SCN2A: variants seen among roughly 807,000 people sequenced by gnomAD.
SCN2A encodes sodium channel protein type 2 subunit alpha.
Under a neutral mutation model 188.7 loss-of-function variants are expected in SCN2A, and 20 were observed. That is an observed-to-expected ratio of 0.11 (90% CI 0.07 to 0.15). The LOEUF (loss-of-function observed/expected upper bound fraction) is 0.15. Ranked by LOEUF, SCN2A falls within the 10% of genes least tolerant of loss-of-function variation. The pLI, the probability that SCN2A is intolerant of heterozygous loss-of-function variation, is 1.00. For missense variants in SCN2A, 1,278 were observed against 2,445.0 expected (o/e 0.52, Z 10.07); for synonymous variants, 804 against 833.1 (o/e 0.97, Z 0.60).
intron 17 of SCN2A, among the ~76,000 whole-genome samples, 191 bp downstream of exon 17, chr2:165,354,862 T>C (rs989377409): frequency 6.6e-6 from 1 of 152,214 alleles, no homozygotes; most frequent in African/African-American, 2.4e-5. Flanking sequence ...AGATTAACAA[T>C]ATGCTGACTT....
intron 17 of SCN2A, among the ~76,000 whole-genome samples, chr2:165,358,482 A>T (rs1385451112): frequency 1.3e-5 from 2 of 152,102 alleles, no homozygotes; most frequent in Non-Finnish European, 1.5e-5. Flanking sequence ...TTAGGAGTTG[A>T]CCAACAGTAT....
At chr2:165,256,010 T>TTTTTC (rs1694305008) in intron 1 of SCN2A, among the ~76,000 whole-genome samples, 1 of 141,902 alleles carries the variant, frequency 7.0e-6, no homozygotes, top group African/African-American at 2.7e-5. Flanking sequence ...CTTTTTTTTT[T>TTTTTC]TTTTTTTTTT....
intron 17 of SCN2A, among the ~76,000 whole-genome samples, chr2:165,357,838 G>C (rs1053057290): frequency 1.1e-4 from 16 of 152,038 alleles, no homozygotes; most frequent in African/African-American, 3.9e-4. Context: ...CCAGAGGCTC[G>C]TGCCACCACT....
chr2:165,357,871 G>A (rs1039989058), intron 17 of SCN2A, among the ~76,000 whole-genome samples: 2 of 152,108 alleles, frequency 1.3e-5, no homozygotes, highest in East Asian at 1.9e-4. Flanking sequence ...ACCCAAGCAA[G>A]TTGTACATCT....
At chr2:165,249,432 A>G (rs1693997080) in intron 1 of SCN2A, among the ~76,000 whole-genome samples, 1 of 152,142 alleles carries the variant, frequency 6.6e-6, no homozygotes, top group Non-Finnish European at 1.5e-5. Flanking sequence ...ACCATATCAC[A>G]GGAAGTTAAT....
At chr2:165,335,587 T>C (rs1393377514) in intron 14 of SCN2A, among the ~76,000 whole-genome samples, 1 of 151,704 alleles carries the variant, frequency 6.6e-6, no homozygotes, top group East Asian at 1.9e-4. Flanking sequence ...CTTAATAACA[T>C]ATATAAAAAT....
intron 1 of SCN2A, chr2:165,273,609 C>G (rs577560885): frequency 6.6e-6 from 1 of 152,084 alleles, no homozygotes; most frequent in East Asian, 1.9e-4. Context: ...CTCTCTCTTT[C>G]TCTCTGTCTG....
At chr2:165,284,740 T>A (rs564139468) in intron 1 of SCN2A, among the ~76,000 whole-genome samples, 1 of 152,248 alleles carries the variant, frequency 6.6e-6, no homozygotes, top group East Asian at 1.9e-4. Context: ...CCTGGGAAAT[T>A]TTCTTTCTTA....
At chr2:165,322,922 A>G (rs967581937) in intron 11 of SCN2A, among the ~76,000 whole-genome samples, 3 of 152,216 alleles carry the variant, frequency 2.0e-5, no homozygotes, top group African/African-American at 7.2e-5. Context: ...AAGAGAGCAG[A>G]AGATGGAAAA....
chr2:165,323,906 G>A (rs776109460), intron 12 of SCN2A, among the ~76,000 whole-genome samples: 1 of 152,168 alleles, frequency 6.6e-6, no homozygotes, highest in Non-Finnish European at 1.5e-5. Context: ...ACTTCCACTT[G>A]CAGTAGATAC....
At chr2:165,335,021 T>C (rs1028862199) in intron 14 of SCN2A, among the ~76,000 whole-genome samples, 4 of 151,350 alleles carry the variant, frequency 2.6e-5, no homozygotes, top group African/African-American at 7.3e-5. Context: ...ACATGAAAAA[T>C]AATAAAATAC....
At position 165,253,668 on chromosome 2, in the gene SCN2A, A is replaced by G. The variant is rs190562038; in HGVS notation, c.-52+14028A>G. ...ATTTACTAAATCATCCCTTGTAGAA[A>G]CTAAGTTGCAGACTCTGGTCTATAT... On this transcript the variant is annotated intron_variant, in intron 1 of 26. Coordinates refer to ENST00000375437, the MANE Select transcript of SCN2A (RefSeq NM_001040142.2). Among the ~76,000 whole-genome samples, 24 of 152,188 alleles carry G rather than the reference A, an allele frequency of 1.6e-4. No individual in the cohort carries two copies. In the East Asian group the frequency reaches 3.5e-3, roughly 22 times the overall value.
chr2:165,305,377 C>T (rs919438359), intron 3 of SCN2A, among the ~76,000 whole-genome samples: 5 of 152,112 alleles, frequency 3.3e-5, no homozygotes, highest in South Asian at 2.1e-4. Flanking sequence ...TTCAGAAGAG[C>T]GGTCTCACTT....
chr2:165,299,572 T>C (rs1696694741), intron 3 of SCN2A, among the ~76,000 whole-genome samples: 1 of 152,220 alleles, frequency 6.6e-6, no homozygotes, highest in South Asian at 2.1e-4. Flanking sequence ...GCTAATAGTC[T>C]AAGATACATG....
chr2:165,278,972 A>AAGGC (rs965017329), intron 1 of SCN2A, among the ~76,000 whole-genome samples: 2 of 152,038 alleles, frequency 1.3e-5, no homozygotes, highest in Non-Finnish European at 2.9e-5. Context: ...TCAAGAAAGA[A>AAGGC]AGGCAGGCAG....
At chr2:165,261,602 G>A (rs563715368) in intron 1 of SCN2A, among the ~76,000 whole-genome samples, 1 of 152,162 alleles carries the variant, frequency 6.6e-6, no homozygotes, top group South Asian at 2.1e-4. Context: ...CTCAAGTGGG[G>A]TACACCAATG....
chr2:165,383,631 A>G (rs191244674), intron 25 of SCN2A, among the ~76,000 whole-genome samples: 2 of 152,296 alleles, frequency 1.3e-5, no homozygotes, highest in South Asian at 4.1e-4. Flanking sequence ...TTTTGGAGCT[A>G]TTTCAGAGAT....
intron 1 of SCN2A, among the ~76,000 whole-genome samples, chr2:165,240,889 A>G (rs1163674684): frequency 2.0e-5 from 3 of 152,218 alleles, no homozygotes; most frequent in Admixed American, 6.5e-5. Flanking sequence ...GTAGTTCTAC[A>G]TGGCTCCATA....
At chr2:165,370,089 C>T in intron 19 of SCN2A, 37 bp from the exon 20 acceptor site, 1 of 1,572,256 alleles carries the variant, frequency 6.4e-7, no homozygotes, top group Non-Finnish European at 8.7e-7. Flanking sequence ...GAGACTGTTT[C>T]TGATCATAAA....
Sources: allele counts gnomAD v4.1 joint callset (sites outside exome capture counted in the v4.1 genomes callset), GRCh38; gene constraint gnomAD v4.1.1; transcripts MANE v1.5; gene names NCBI Gene and HGNC (gene_info 2026-07-23, HGNC 2026-07-21).